Variants in LOC122539214 observed in about 807,000 individuals in gnomAD.
chr19:52,679,671 C>G, the LOC122539214 span, among the ~76,000 whole-genome samples: 1 of 152,124 alleles, frequency 6.6e-6, no homozygotes, highest in Non-Finnish European at 1.5e-5. Context: ...CAGTGTGATG[C>G]TTTCTATCTC....
At chr19:52,669,902 C>T in the LOC122539214 span, among the ~76,000 whole-genome samples, 5 of 152,184 alleles carry the variant, frequency 3.3e-5, no homozygotes, top group East Asian at 7.7e-4. Context: ...AAAATCAAAC[C>T]GAATGACTAA....
the LOC122539214 span, among the ~76,000 whole-genome samples, chr19:52,674,688 ATATACT>A: frequency 0.04 from 6,166 of 152,252 alleles, 356 homozygotes; most frequent in African/African-American, 0.13. Flanking sequence ...TTAAACTAAG[ATATACT>A]TAGGAATAAA....
the LOC122539214 span, chr19:52,655,419 C>G: frequency 1.2e-6 from 1 of 805,742 alleles, no homozygotes; most frequent in Non-Finnish European, 2.0e-6. Flanking sequence ...CTATGACAGA[C>G]AGGAGGATCA....
the LOC122539214 span, among the ~76,000 whole-genome samples, chr19:52,666,919 G>C: frequency 6.6e-6 from 1 of 152,170 alleles, no homozygotes; most frequent in African/African-American, 2.4e-5. Context: ...GCAGAGTTAG[G>C]AAAATTGCCT....
At chr19:52,663,203 C>T in the LOC122539214 span, among the ~76,000 whole-genome samples, 2 of 152,058 alleles carry the variant, frequency 1.3e-5, no homozygotes, top group East Asian at 1.9e-4. Context: ...CTGTTATATA[C>T]CTGAGCAAAA....
the LOC122539214 span, among the ~76,000 whole-genome samples, chr19:52,663,076 T>A: frequency 6.6e-6 from 1 of 151,904 alleles, no homozygotes; most frequent in African/African-American, 2.4e-5. Context: ...CCAGGGAGGA[T>A]CACTTGGACC....
the LOC122539214 span, among the ~76,000 whole-genome samples, chr19:52,673,795 A>G: frequency 6.6e-6 from 1 of 150,868 alleles, no homozygotes; most frequent in Non-Finnish European, 1.5e-5. Context: ...TGGGCCAATC[A>G]CCTCAGGTCA....
At chr19:52,678,285 AC>A in the LOC122539214 span, among the ~76,000 whole-genome samples, 1 of 151,526 alleles carries the variant, frequency 6.6e-6, no homozygotes, top group Non-Finnish European at 1.5e-5. Flanking sequence ...ACCCCGTCTT[AC>A]TAAAAATATA....
At chr19:52,659,037 CTA>C in the LOC122539214 span, among the ~76,000 whole-genome samples, 1 of 151,570 alleles carries the variant, frequency 6.6e-6, no homozygotes, top group Admixed American at 6.6e-5. Flanking sequence ...AGCAGAATAT[CTA>C]TGTGTCGGTG....
At chr19:52,666,516 A>T in the LOC122539214 span, among the ~76,000 whole-genome samples, 1 of 151,844 alleles carries the variant, frequency 6.6e-6, no homozygotes, top group Non-Finnish European at 1.5e-5. Context: ...AATGCATTCA[A>T]TCTGTAGTGG....
chr19:52,685,808 G>A, the LOC122539214 span, among the ~76,000 whole-genome samples: 1 of 148,914 alleles, frequency 6.7e-6, no homozygotes, highest in Non-Finnish European at 1.5e-5. Flanking sequence ...TGAAGCAGGA[G>A]AATCACTTAA....
At chr19:52,671,261 C>T in the LOC122539214 span, among the ~76,000 whole-genome samples, 1 of 152,074 alleles carries the variant, frequency 6.6e-6, no homozygotes. Flanking sequence ...AAAATCAGAG[C>T]TTACACCTCA....
At chr19:52,686,685 A>T in the LOC122539214 span, among the ~76,000 whole-genome samples, 3 of 151,918 alleles carry the variant, frequency 2.0e-5, no homozygotes, top group African/African-American at 7.2e-5. Flanking sequence ...GTGATTGTGT[A>T]CCTCATCTTC....
chr19:52,682,730 T>C, the LOC122539214 span, among the ~76,000 whole-genome samples: 2 of 152,108 alleles, frequency 1.3e-5, no homozygotes, highest in African/African-American at 4.8e-5. Context: ...TGTAGCTATG[T>C]GTGGTGACAC....
At chr19:52,684,948 T>C in the LOC122539214 span, among the ~76,000 whole-genome samples, 3 of 151,786 alleles carry the variant, frequency 2.0e-5, no homozygotes, top group Non-Finnish European at 4.4e-5. Context: ...CGGTGGAGGG[T>C]TCCCTGCCAG....
At chr19:52,655,495 C>G in the LOC122539214 span, 1 of 1,368,700 alleles carries the variant, frequency 7.3e-7, no homozygotes, top group South Asian at 1.2e-5. Flanking sequence ...AAAGAGAATA[C>G]AAAACCAGGA....
chr19:52,668,415 G>C, the LOC122539214 span, among the ~76,000 whole-genome samples: 2 of 152,000 alleles, frequency 1.3e-5, no homozygotes, highest in South Asian at 4.1e-4. Flanking sequence ...TCCTTTCCCA[G>C]TGCTTATATC....
the LOC122539214 span, among the ~76,000 whole-genome samples, chr19:52,675,096 A>G: frequency 1.3e-5 from 2 of 152,246 alleles, no homozygotes; most frequent in Non-Finnish European, 2.9e-5. Flanking sequence ...ATGTCACTGA[A>G]GGCTGACAAA....
the LOC122539214 span, among the ~76,000 whole-genome samples, chr19:52,666,765 A>C: frequency 3.9e-5 from 6 of 152,310 alleles, no homozygotes; most frequent in South Asian, 1.2e-3. Context: ...AGGGGGTCTA[A>C]ATCTTAATTA....
Sources: allele counts gnomAD v4.1 joint callset (sites outside exome capture counted in the v4.1 genomes callset), GRCh38; gene constraint gnomAD v4.1.1; transcripts MANE v1.5.